Variants in PDE3A observed in about 807,000 individuals in gnomAD.
PDE3A encodes the protein cGMP-inhibited 3',5'-cyclic phosphodiesterase 3A.
Under a neutral mutation model 98.3 loss-of-function variants are expected in PDE3A, and 43 were observed. The ratio of observed to expected loss-of-function variants is 0.44; its 90% confidence interval spans 0.34 to 0.56. PDE3A has a LOEUF of 0.56. Ranked by LOEUF, PDE3A falls within the 20% of genes least tolerant of loss-of-function variation. The probability of loss-of-function intolerance (pLI) is 0.01; values close to 1 mark genes in which losing one functional copy is unlikely to be tolerated. For missense variants in PDE3A, 1,427 were observed against 1,440.7 expected, an observed-to-expected ratio of 0.99 and a Z score of 0.15; for synonymous variants, 663 against 567.9, an observed-to-expected ratio of 1.17 and a Z score of -2.38.
intron 1 of PDE3A, among the ~76,000 whole-genome samples, chr12:20,538,884 G>T (rs1272961623): frequency 6.6e-6 from 1 of 151,752 alleles, no homozygotes; most frequent in South Asian, 2.1e-4. Context: ...GGACTCAAGC[G>T]ATCCTCTGGC....
At chr12:20,473,307 T>C (rs1945473315) in intron 1 of PDE3A, among the ~76,000 whole-genome samples, 1 of 152,168 alleles carries the variant, frequency 6.6e-6, no homozygotes, top group African/African-American at 2.4e-5. Flanking sequence ...TTTGAATGTA[T>C]GTTGACAAGA....
Position 20,369,946 on chromosome 12 carries a change from T to C in PDE3A, c.662T>C (p.Val221Ala). The C allele has an allele frequency of 6.2e-7, 1 of 1,613,436 alleles. No homozygotes were observed. The highest frequency in any genetic ancestry group is 8.5e-7 in the Non-Finnish European group (1 of 1,180,002). The part of the protein sequence containing the change: ...GVLMIALTSA[V>A]RTVSLISLER... Reference sequence around the variant, plus strand: ...CTCATGATCGCCTTGACTAGCGCGGTCAGGACCGTGTCCCTCATTTCCTTA... The same window carrying C: ...CTCATGATCGCCTTGACTAGCGCGGCCAGGACCGTGTCCCTCATTTCCTTA... Residue 221 changes from valine to alanine, a missense_variant, in exon 1 of 16, where the codon GTC becomes GCC. By Grantham distance (64) the Val-to-Ala change is moderately conservative. Coordinates refer to ENST00000359062, the MANE Select transcript of PDE3A (RefSeq NM_000921.5).
At chr12:20,594,777 A>G (rs763081658) in intron 2 of PDE3A, among the ~76,000 whole-genome samples, 2 of 152,164 alleles carry the variant, frequency 1.3e-5, no homozygotes, top group Non-Finnish European at 2.9e-5. Flanking sequence ...GCTGGTGCTC[A>G]TCACTCAGCC....
chr12:20,424,134 C>T (rs1944567332), intron 1 of PDE3A, among the ~76,000 whole-genome samples: 1 of 152,220 alleles, frequency 6.6e-6, no homozygotes, highest in Admixed American at 6.5e-5. Flanking sequence ...GAAAGTAAAA[C>T]TTTTAAAGGA....
At position 20,497,947 on chromosome 12, in the gene PDE3A, T is replaced by C. The variant is rs997111270; in HGVS notation, c.961-58713T>C. ...CTCTCAGGGAGTGGGGAGGAAATCA[T>C]GTAAGTCAATATATCTTTTGCTATC... On this transcript the variant is annotated intron_variant, in intron 1 of 15. Transcript: ENST00000359062. Among the ~76,000 whole-genome samples the C allele has an allele frequency of 5.3e-5, 8 of 152,294 alleles. No homozygotes were observed. The East Asian group carries it at 1.4e-3, about 26-fold the overall frequency.
intron 2 of PDE3A, among the ~76,000 whole-genome samples, chr12:20,580,941 A>G (rs897745955): frequency 6.6e-6 from 1 of 152,212 alleles, no homozygotes; most frequent in Non-Finnish European, 1.5e-5. Flanking sequence ...AAATATGAAT[A>G]GTAAATGGAA....
chr12:20,573,239 C>T (rs1446940136), intron 2 of PDE3A, among the ~76,000 whole-genome samples: 2 of 151,974 alleles, frequency 1.3e-5, no homozygotes, highest in Admixed American at 6.6e-5. Context: ...GTGCTAAGTA[C>T]TTTTTTCACA....
intron 15 of PDE3A, among the ~76,000 whole-genome samples, chr12:20,676,779 G>C (rs1054631008): frequency 1.3e-5 from 2 of 152,124 alleles, no homozygotes; most frequent in African/African-American, 4.8e-5. Context: ...GATTACAGGC[G>C]TGAGCCACCG....
intron 15 of PDE3A, among the ~76,000 whole-genome samples, chr12:20,667,988 C>T (rs144002103): frequency 5.3e-5 from 8 of 152,180 alleles, no homozygotes; most frequent in East Asian, 3.9e-4. Flanking sequence ...TCAGTGGGTG[C>T]GCGCACCGTG....
At chr12:20,636,731 T>G (rs1456147555) in intron 8 of PDE3A, among the ~76,000 whole-genome samples, 1 of 152,102 alleles carries the variant, frequency 6.6e-6, no homozygotes, top group Non-Finnish European at 1.5e-5. Flanking sequence ...AGATATAAAT[T>G]TACATGTAAT....
At chr12:20,623,119 G>C (rs1944176209) in intron 5 of PDE3A, among the ~76,000 whole-genome samples, 1 of 152,098 alleles carries the variant, frequency 6.6e-6, no homozygotes, top group Non-Finnish European at 1.5e-5. Context: ...TAGCATAGTA[G>C]ACTACTGAAG....
intron 4 of PDE3A, among the ~76,000 whole-genome samples, chr12:20,616,701 A>G (rs2121466068): frequency 6.6e-6 from 1 of 152,292 alleles, no homozygotes; most frequent in Middle Eastern, 3.4e-3. Context: ...ATTCATACCG[A>G]GACCCTTAAA....
chr12:20,450,134 C>T (rs1945039201), intron 1 of PDE3A: 2 of 405,810 alleles, frequency 4.9e-6, no homozygotes, highest in Admixed American at 4.0e-5. Context: ...CATCGCAGCC[C>T]AACATTGCCA....
Position 20,654,660 on chromosome 12 carries a change from C to CTT in PDE3A, c.3184+479_3184+480dup, listed in dbSNP as rs71442265. ...TACAGGTGCGCAACACTACACCCGG[C>CTT]TTTTTTTTTTTTTTTTTTTTTTTTT... On this transcript the variant is annotated intron_variant, in intron 15 of 15. Coordinates refer to ENST00000359062, the MANE Select transcript of PDE3A (RefSeq NM_000921.5). Among the ~76,000 whole-genome samples the CTT allele has an allele frequency of 5.4e-3, 460 of 85,854 alleles. 10 individuals carry two copies. The highest frequency in any genetic ancestry group is 0.011 in the African/African-American group (237 of 22,302). 56.3% of individuals were successfully genotyped at this position (85,854 alleles called of 152,430 possible).
intron 1 of PDE3A, among the ~76,000 whole-genome samples, chr12:20,498,692 GT>G (rs1945969492): frequency 6.6e-6 from 1 of 151,938 alleles, no homozygotes; most frequent in South Asian, 2.1e-4. Context: ...TTCAACATAA[GT>G]TTTTTTAAAA....
chr12:20,560,882 C>T (rs1484827359), intron 2 of PDE3A, among the ~76,000 whole-genome samples: 1 of 151,942 alleles, frequency 6.6e-6, no homozygotes, highest in African/African-American at 2.4e-5. Context: ...CCATACCAGC[C>T]ATTTACACTA....
chr12:20,675,283 T>A (rs768476531), intron 15 of PDE3A, among the ~76,000 whole-genome samples: 2 of 152,178 alleles, frequency 1.3e-5, no homozygotes, highest in Non-Finnish European at 2.9e-5. Flanking sequence ...AGAAACTTGA[T>A]ATAATTTAGA....
chr12:20,432,035 A>G (rs184214664), intron 1 of PDE3A, among the ~76,000 whole-genome samples: 100 of 152,324 alleles, frequency 6.6e-4, no homozygotes, highest in African/African-American at 2.3e-3. Context: ...TGCAAAGAGC[A>G]GTGATAATGT....
At chr12:20,598,372 T>TG (rs1403182304) in intron 2 of PDE3A, among the ~76,000 whole-genome samples, 1 of 151,910 alleles carries the variant, frequency 6.6e-6, no homozygotes, top group Non-Finnish European at 1.5e-5. Context: ...TTAGTAGAGA[T>TG]GGGGTTTCAC....
Sources: gnomAD v4.1 joint callset for allele counts (sites outside exome capture counted in the v4.1 genomes callset) on GRCh38, gnomAD v4.1.1 for gene constraint, MANE v1.5 for transcripts, NCBI Gene and HGNC (gene_info 2026-07-23, HGNC 2026-07-21) for gene names.